The following GNAO1 variants were observed in gnomAD, a reference collection of about 807,000 sequenced individuals.
The protein encoded by GNAO1 is guanine nucleotide-binding protein G(o) subunit alpha.
For synonymous variants in GNAO1, 164 were observed against 180.7 expected (o/e 0.91, Z 0.74); for missense variants, 166 against 478.7 (o/e 0.35, Z 6.10).
At chr16:56,290,605 G>C (rs2037221299) in intron 3 of GNAO1, among the ~76,000 whole-genome samples, 2 of 152,138 alleles carry the variant, frequency 1.3e-5, no homozygotes, top group Non-Finnish European at 2.9e-5. Flanking sequence ...TTTTTCACCT[G>C]CTGAATTGAA....
At chr16:56,264,235 C>T (rs556246736) in intron 2 of GNAO1, among the ~76,000 whole-genome samples, 7 of 152,354 alleles carry the variant, frequency 4.6e-5, no homozygotes, top group South Asian at 2.1e-4. Context: ...GTTCAAGTCA[C>T]GATATCTGTA....
chr16:56,192,752 C>CA (rs1567432263), intron 2 of GNAO1, 136 bp downstream of exon 2: 9 of 538,614 alleles, frequency 1.7e-5, no homozygotes, highest in African/African-American at 8.1e-5. Context: ...ACACACACAC[C>CA]CCTATATTTG....
chr16:56,278,531 A>G (rs1029001962), intron 3 of GNAO1, among the ~76,000 whole-genome samples: 3 of 152,184 alleles, frequency 2.0e-5, no homozygotes, highest in Non-Finnish European at 4.4e-5. Flanking sequence ...ATGAGGAGAC[A>G]TGCCAGGCCA....
At chr16:56,289,555 C>A (rs190327703) in intron 3 of GNAO1, among the ~76,000 whole-genome samples, 3 of 152,258 alleles carry the variant, frequency 2.0e-5, no homozygotes, top group Non-Finnish European at 4.4e-5. Flanking sequence ...AGGAGATGAG[C>A]GGCCCCATGC....
intron 3 of GNAO1, among the ~76,000 whole-genome samples, chr16:56,279,499 G>A (rs1217634892): frequency 6.6e-6 from 1 of 152,200 alleles, no homozygotes; most frequent in Non-Finnish European, 1.5e-5. Context: ...CTTCGCTGGG[G>A]TGTGCTCTCT....
intron 2 of GNAO1, among the ~76,000 whole-genome samples, chr16:56,195,144 TG>T (rs558387583): frequency 3.8e-4 from 57 of 151,702 alleles, no homozygotes; most frequent in African/African-American, 1.3e-3. Flanking sequence ...AAACAGATTT[TG>T]TAGGTAAAAC....
intron 2 of GNAO1, among the ~76,000 whole-genome samples, chr16:56,274,555 A>G (rs2037045502): frequency 6.6e-6 from 1 of 152,258 alleles, no homozygotes; most frequent in South Asian, 2.1e-4. Flanking sequence ...AATGTGGTAC[A>G]TCCATACAGT....
At chr16:56,249,536 G>T (rs760991015) in intron 2 of GNAO1, among the ~76,000 whole-genome samples, 1 of 152,204 alleles carries the variant, frequency 6.6e-6, no homozygotes, top group Non-Finnish European at 1.5e-5. Flanking sequence ...CACCAAGGGG[G>T]AGAGGAGCTG....
chr16:56,228,490 A>G (rs1407079721), intron 2 of GNAO1, among the ~76,000 whole-genome samples: 1 of 151,748 alleles, frequency 6.6e-6, no homozygotes, highest in African/African-American at 2.4e-5. Flanking sequence ...GTATATTAAA[A>G]TACATAAAGA....
intron 3 of GNAO1, among the ~76,000 whole-genome samples, chr16:56,318,052 C>T (rs537533666): frequency 1.6e-3 from 242 of 152,306 alleles, no homozygotes; most frequent in Non-Finnish European, 1.3e-3. Context: ...GTCTAACGTG[C>T]GCCCGGGGTG....
rs533925458 is a variant in GNAO1 at position 56,317,277 on chromosome 16, C to A, written c.304-11354C>A. ...ACGCCTTGCTTAACACAGTCACAGACCCCTGACACAGAAGGGACCATGGGA... is the reference window on the plus strand; with the variant it reads ...ACGCCTTGCTTAACACAGTCACAGAACCCTGACACAGAAGGGACCATGGGA... On this transcript the variant is annotated intron_variant, in intron 3 of 8. Transcript: ENST00000262493. Among the ~76,000 whole-genome samples the A allele has an allele frequency of 2.8e-4, 43 of 152,314 alleles. 1 individual carries two copies. The Middle Eastern group carries it at 0.01, about 36-fold the overall frequency.
At chr16:56,305,519 C>T (rs1307470713) in intron 3 of GNAO1, among the ~76,000 whole-genome samples, 8 of 151,876 alleles carry the variant, frequency 5.3e-5, no homozygotes, top group African/African-American at 1.7e-4. Flanking sequence ...GTGCAGAGGC[C>T]CCTAGTGGAA....
chr16:56,193,981 T>C (rs1260095720), intron 2 of GNAO1: 2 of 382,224 alleles, frequency 5.2e-6, no homozygotes, highest in South Asian at 1.9e-5. Context: ...TAAAAACCCC[T>C]TTCGTGGGAA....
intron 2 of GNAO1, among the ~76,000 whole-genome samples, chr16:56,264,260 G>A (rs2143491433): frequency 6.6e-6 from 1 of 152,310 alleles, no homozygotes; most frequent in African/African-American, 2.4e-5. Flanking sequence ...AGGGCCAGGG[G>A]CCCCAGACCA....
chr16:56,225,849 A>G (rs933566586), intron 2 of GNAO1, among the ~76,000 whole-genome samples: 3 of 152,018 alleles, frequency 2.0e-5, no homozygotes, highest in Admixed American at 6.6e-5. Flanking sequence ...GAAGAATGTG[A>G]TAGAGGATAG....
rs535496586 is a variant in GNAO1, at chr16:56,338,682, C to T, written c.723+1822C>T. ...GCCTGTGGATGGCTTCAACCCAAGTCCCAGGCCCACCGGCCATGGGGCTGG... is the reference window on the plus strand; with the variant it reads ...GCCTGTGGATGGCTTCAACCCAAGTTCCAGGCCCACCGGCCATGGGGCTGG... On this transcript the variant is annotated intron_variant, in intron 6 of 8. Transcript: ENST00000262493. Among the ~76,000 whole-genome samples, 27 of 152,346 alleles carry T rather than the reference C, an allele frequency of 1.8e-4. No individual in the cohort carries two copies. The South Asian group carries it at 5.4e-3, about 30-fold the overall frequency.
Position 56,351,634 on chromosome 16 carries a change from C to A in GNAO1, c.877+97C>A. On this transcript the variant is annotated intron_variant, in intron 7 of 8. Transcript: ENST00000262493. This position sits in a 1 kb window ranked among gnomAD's most constrained non-coding sequence, Gnocchi z 6.1. The stretch of plus-strand genomic sequence containing the variant: ...GCTCGGCCAGCACTGCTGGGGCTAG[C>A]TGGCGAGCGGGACCCATTGCAGGAG... 1 of 969,256 alleles carries A rather than the reference C, an allele frequency of 1.0e-6. No homozygotes were observed. The highest frequency in any genetic ancestry group is 1.6e-6 in the Non-Finnish European group (1 of 635,702). The allele number at this position is 969,256 out of a possible 1,614,324, so 60.0% of individuals were successfully genotyped here.
chr16:56,206,125 C>T (rs768667413), intron 2 of GNAO1, among the ~76,000 whole-genome samples: 5 of 151,972 alleles, frequency 3.3e-5, no homozygotes, highest in African/African-American at 1.2e-4. Flanking sequence ...TCCAGACCAT[C>T]CTGGATAACA....
At chr16:56,206,103 A>C (rs2036325003) in intron 2 of GNAO1, among the ~76,000 whole-genome samples, 1 of 152,008 alleles carries the variant, frequency 6.6e-6, no homozygotes, top group Admixed American at 6.6e-5. Context: ...GGCGGATCAC[A>C]AAGTCAGGAG....
Sources: allele counts gnomAD v4.1 joint callset (sites outside exome capture counted in the v4.1 genomes callset), GRCh38; gene constraint gnomAD v4.1.1; non-coding constraint Gnocchi (gnomAD v3.1); transcripts MANE v1.5; gene names NCBI Gene and HGNC (gene_info 2026-07-23, HGNC 2026-07-21).